TFR2: variants seen among roughly 807,000 people sequenced by gnomAD.
TFR2 encodes the protein transferrin receptor 2.
Under a neutral mutation model 91.9 loss-of-function variants are expected in TFR2, and 64 were observed. The observed-to-expected ratio is 0.70, with a 90% confidence interval of 0.57 to 0.86. The LOEUF is 0.86. Among genes scored for constraint, TFR2 ranks in the 40% least tolerant of loss-of-function variants. The probability of loss-of-function intolerance (pLI) is 0.00; values close to 1 mark genes in which losing one functional copy is unlikely to be tolerated. For synonymous variants in TFR2, 454 were observed against 459.6 expected (o/e 0.99, Z 0.15); for missense variants, 950 against 1,080.5 (o/e 0.88, Z 1.69).
intron 16 of TFR2, 107 bp from the exon 17 acceptor site, chr7:100,627,010 G>T: frequency 2.3e-6 from 3 of 1,323,126 alleles, no homozygotes; most frequent in Non-Finnish European, 2.9e-6. Flanking sequence ...TGGGACCCCT[G>T]GCCGCAGGAG....
intron 17 of TFR2, among the ~76,000 whole-genome samples, chr7:100,624,002 G>A (rs1803188081): frequency 6.6e-6 from 1 of 151,848 alleles, no homozygotes; most frequent in Non-Finnish European, 1.5e-5. Flanking sequence ...GTTACAGTGA[G>A]CCGGGATCGC....
In TFR2 at chr7:100,641,188, C is replaced by A; in HGVS notation, c.74G>T (p.Arg25Leu). The A allele has an allele frequency of 6.6e-7, 1 of 1,522,394 alleles. No homozygotes were observed. Among genetic ancestry groups the A allele is most frequent in the Non-Finnish European group, 8.8e-7 (1 of 1,133,792 alleles). 94.3% of individuals were successfully genotyped at this position (1,522,394 alleles called of 1,614,324 possible). A position where few individuals can be genotyped will look rare whatever the true frequency, so the allele number is the denominator to read the frequency against. ...GTGCCCTTTCCGGGGGCCTTCCACA[C>A]GCTGGTAGACGGTCTGAGAGGATCT... ...SPRSSQTVYQRVEGPRKGHLE... is the reference protein window; with the variant it reads ...SPRSSQTVYQLVEGPRKGHLE... The change falls in exon 2 of 18, where the codon CGT becomes CTT. Residue 25 changes from arginine (R) to leucine (L), a missense_variant. Arg to Leu is a moderately radical substitution (Grantham distance 102). Transcript: ENST00000223051.
At chr7:100,632,650 A>G (rs1280512292) in intron 6 of TFR2, 2 of 341,556 alleles carry the variant, frequency 5.9e-6, no homozygotes, top group East Asian at 1.5e-4. Context: ...CCTGGGCTCA[A>G]GCGATCCTCC....
chr7:100,640,712 C>G lies in TFR2; in HGVS notation c.447G>C (p.Gly149=), dbSNP rs41302366. 6 of 1,613,542 alleles carry G rather than the reference C, an allele frequency of 3.7e-6. No homozygotes were observed. The East Asian group carries it at 1.3e-4, about 36-fold the overall frequency. Residue 149 remains glycine, a synonymous_variant, in exon 3 of 18, where the codon GGG becomes GGC. Transcript: ENST00000223051. ...DLQAMFLQFL[G]EGRLEDTIRQ... Reference sequence around the variant, plus strand: ...TGATGGTGTCCTCCAGGCGCCCCTCCCCCAGGAACTGCAGGAACATGGCCT... The same window carrying G: ...TGATGGTGTCCTCCAGGCGCCCCTCGCCCAGGAACTGCAGGAACATGGCCT...
chr7:100,641,271 G>A (rs1280709641), intron 1 of TFR2, 43 bp from the exon 2 acceptor site: 3 of 1,531,302 alleles, frequency 2.0e-6, no homozygotes, highest in Non-Finnish European at 8.8e-7. Flanking sequence ...AAGAGGCCTG[G>A]GGGGTGGGGA....
chr7:100,633,618 G>T, intron 3 of TFR2, 62 bp from the exon 4 acceptor site: 1 of 1,542,448 alleles, frequency 6.5e-7, no homozygotes, highest in Non-Finnish European at 8.7e-7. Context: ...AAGAGGGAAG[G>T]ATGCCAGAGA....
At chr7:100,634,861 C>A (rs2131322500) in intron 3 of TFR2, among the ~76,000 whole-genome samples, 1 of 152,340 alleles carries the variant, frequency 6.6e-6, no homozygotes, top group African/African-American at 2.4e-5. Context: ...CTCAACGAAG[C>A]CTTCCCTGAA....
At chr7:100,630,840 T>G (rs762231662) in intron 9 of TFR2, 49 bp downstream of exon 9, 2 of 1,610,110 alleles carry the variant, frequency 1.2e-6, no homozygotes, top group South Asian at 2.2e-5. Context: ...TGGGCAGAAA[T>G]TCCCCCAGCC....
At position 100,621,115 on chromosome 7, in the gene TFR2, G is replaced by A. The variant is rs1249770771; in HGVS notation, c.2148C>T (p.Tyr716=). ...YNVRIMRVEF[Y]FLSQYVSPAD... ...CTGGCGACACGTACTGGGAAAGGAA[G>A]TAGAACTCCACCTGCGCAGAGAGGG... The change falls in exon 18 of 18, where the codon TAC becomes TAT. Residue 716 remains tyrosine (Y), a synonymous_variant. Coordinates refer to ENST00000223051, the MANE Select transcript of TFR2 (RefSeq NM_003227.4). 2 of 1,525,618 alleles carry A rather than the reference G, an allele frequency of 1.3e-6. No individual in the cohort carries two copies. The allele number at this position is 1,525,618 out of a possible 1,614,324, so 94.5% of individuals were successfully genotyped here. A position where few individuals can be genotyped will look rare whatever the true frequency, so the allele number is the denominator to read the frequency against.
rs369355407 is a variant in TFR2, at chr7:100,621,017, C to T, written c.2246G>A (p.Arg749Gln). Residue 749 changes from arginine to glutamine, a missense_variant, in exon 18 of 18, where the codon CGG becomes CAG. By Grantham distance (43) the Arg-to-Gln change is conservative. Coordinates refer to ENST00000223051, the MANE Select transcript of TFR2 (RefSeq NM_003227.4). ...CCCGGAGCTGTTGGAGCGCAGCAGC[C>T]GCAGGTGGTCCAGCAGGGCGCCCAG... Reference protein sequence around the residue: ...HTLGALLDHLRLLRSNSSGTP... With the variant: ...HTLGALLDHLQLLRSNSSGTP... 23 of 1,601,626 alleles carry T rather than the reference C, an allele frequency of 1.4e-5. No individual in the cohort carries two copies. Among genetic ancestry groups the T allele is most frequent in the African/African-American group, 4.0e-5 (3 of 74,612 alleles).
rs1191292710 is a variant in TFR2, at chr7:100,641,327, G to A, written c.34-99C>T. Reference sequence around the variant, plus strand: ...TCAGTGACTTGGGGGTGTCAAATGAGCATGGTGGTGGGGGCGTGGGGGAGG... The same window carrying A: ...TCAGTGACTTGGGGGTGTCAAATGAACATGGTGGTGGGGGCGTGGGGGAGG... On this transcript the variant is annotated intron_variant, in intron 1 of 17. Coordinates refer to ENST00000223051, the MANE Select transcript of TFR2 (RefSeq NM_003227.4). 4 of 1,104,160 alleles carry A rather than the reference G, an allele frequency of 3.6e-6. No individual in the cohort carries two copies. In the African/African-American group the frequency reaches 4.9e-5, roughly 14 times the overall value. The allele number at this position is 1,104,160 out of a possible 1,614,324, so 68.4% of individuals were successfully genotyped here. A position where few individuals can be genotyped will look rare whatever the true frequency, so the allele number is the denominator to read the frequency against.
At chr7:100,627,237 A>T in intron 16 of TFR2, 27 bp downstream of exon 16, 1 of 1,545,856 alleles carries the variant, frequency 6.5e-7, no homozygotes, top group Non-Finnish European at 8.7e-7. Context: ...ACTCCCAGAG[A>T]CCAAGAGCGG....
intron 8 of TFR2, 30 bp downstream of exon 8, chr7:100,631,776 T>G (rs1213335575): frequency 6.2e-7 from 1 of 1,605,052 alleles, no homozygotes; most frequent in East Asian, 2.2e-5. Flanking sequence ...CTCTGCTTCC[T>G]CCTCTTCTGG....
rs34001263 is a variant in TFR2, at chr7:100,639,787, C to CTT, written c.473+897_473+898dup. ...TTACTTGTTTTTCTTTTTTTCTTTT[C>CTT]TTTTTTTTTTTTTTTGAGATGGAGT... On this transcript the variant is annotated intron_variant, in intron 3 of 17. Transcript: ENST00000223051. 8.3e-3 allele frequency: 1,104 copies of CTT among 132,778 alleles called. 18 individuals carry two copies. The highest frequency in any genetic ancestry group is 0.015 in the African/African-American group (548 of 35,502). 8.2% of individuals were successfully genotyped at this position (132,778 alleles called of 1,614,324 possible).
intron 17 of TFR2, among the ~76,000 whole-genome samples, chr7:100,623,094 G>A (rs888060775): frequency 2.9e-4 from 44 of 151,910 alleles, no homozygotes; most frequent in Non-Finnish European, 5.9e-4. Flanking sequence ...CCAACATGGC[G>A]AAACCCCGTC....
In TFR2 at chr7:100,640,646, A is replaced by T. The variant is rs751242776; in HGVS notation, c.473+40T>A. On this transcript the variant is annotated intron_variant, in intron 3 of 17. Transcript: ENST00000223051. ...AGGCCCAGTCTGAGCGGATGAGGGGAGGGACACTCGAGAACAGGATGGGGC... is the reference window on the plus strand; with the variant it reads ...AGGCCCAGTCTGAGCGGATGAGGGGTGGGACACTCGAGAACAGGATGGGGC... The T allele has an allele frequency of 4.4e-6, 7 of 1,601,378 alleles. No individual in the cohort carries two copies. The South Asian group carries it at 7.7e-5, about 18-fold the overall frequency.
Position 100,633,404 on chromosome 7 carries a change from G to A in TFR2, c.614+12C>T, listed in dbSNP as rs1482158227. 6.2e-7 allele frequency: 1 copy of A among 1,605,990 alleles called. No homozygotes were observed. The highest frequency in any genetic ancestry group is 8.5e-7 in the Non-Finnish European group (1 of 1,176,090). On this transcript the variant is annotated intron_variant, in intron 4 of 17. Transcript: ENST00000223051. ...CCCTCCCCGCGCGCCCCCCGCCCGC[G>A]CGCGCACTCACGGATCCGGGAATTG...
In TFR2 at chr7:100,636,170, C is replaced by CT. The variant is rs10584926; in HGVS notation, c.474-2615dup. Among the ~76,000 whole-genome samples, 232 of 85,680 alleles carry CT rather than the reference C, an allele frequency of 2.7e-3. 5 individuals carry two copies. The highest frequency in any genetic ancestry group is 0.011 in the East Asian group (30 of 2,742). The allele number at this position is 85,680 out of a possible 152,430, so 56.2% of individuals were successfully genotyped here. On this transcript the variant is annotated intron_variant, in intron 3 of 17. Transcript: ENST00000223051. Reference sequence around the variant, plus strand: ...CCACTTCCCTGGTCACACCCTGCATCTTTTTTTTTTTTTTTTTTTTTTTGA... The same window carrying CT: ...CCACTTCCCTGGTCACACCCTGCATCTTTTTTTTTTTTTTTTTTTTTTTTGA...
chr7:100,620,951 C>A lies in TFR2; in HGVS notation c.2312G>T (p.Arg771Leu), dbSNP rs767335637. The change falls in exon 18 of 18, where the codon CGT (arginine) becomes CTT (leucine). Residue 771 changes from arginine (R) to leucine (L), a missense_variant. Physicochemically the swap from Arg to Leu is moderately radical, Grantham distance 102. Coordinates refer to ENST00000223051, the MANE Select transcript of TFR2 (RefSeq NM_003227.4). ...ATSSTGFQES[R>L]FRRQLALLTW... is the part of the protein sequence containing the mutation. The stretch of plus-strand genomic sequence containing the variant: ...GAGCAGGGCTAGCTGACGCCGGAAA[C>A]GGCTCTCCTGGAAGCCAGTGGAGGA... 6.2e-7 allele frequency: 1 copy of A among 1,613,846 alleles called. No homozygotes were observed. The highest frequency in any genetic ancestry group is 2.2e-5 in the East Asian group (1 of 44,858).
Sources: gnomAD v4.1 joint callset for allele counts (sites outside exome capture counted in the v4.1 genomes callset) on GRCh38, gnomAD v4.1.1 for gene constraint, MANE v1.5 for transcripts, NCBI Gene and HGNC (gene_info 2026-07-23, HGNC 2026-07-21) for gene names.